The following RAD51B variants were observed in gnomAD, a reference collection of about 807,000 sequenced individuals.
The protein encoded by RAD51B is RAD51 paralog B, also known as DNA repair protein RAD51 homolog 2.
Under a neutral mutation model 42.2 loss-of-function variants are expected in RAD51B, and 38 were observed. The ratio of observed to expected loss-of-function variants is 0.90; its 90% CI spans 0.70 to 1.18. RAD51B has a LOEUF of 1.18. Ranked by LOEUF, RAD51B falls within the 50% of genes most tolerant of loss-of-function variation. The pLI is 0.00. For missense variants in RAD51B, 373 were observed against 400.7 expected, an observed-to-expected ratio of 0.93 and a Z score of 0.59; for synonymous variants, 154 against 145.2, an observed-to-expected ratio of 1.06 and a Z score of -0.43.
intron 7 of RAD51B, among the ~76,000 whole-genome samples, chr14:68,200,637 T>C (rs1025675370): frequency 6.6e-6 from 1 of 151,924 alleles, no homozygotes; most frequent in Non-Finnish European, 1.5e-5. Context: ...TTGAAGGAAG[T>C]TGGTAAAATA....
At chr14:68,562,693 T>C in intron 10 of RAD51B, 1 of 985,356 alleles carries the variant, frequency 1.0e-6, no homozygotes, top group Non-Finnish European at 1.2e-6. Flanking sequence ...AGACCCTGAC[T>C]TGTTAGAGTG....
intron 4 of RAD51B, among the ~76,000 whole-genome samples, chr14:67,852,821 G>A (rs2041871958): frequency 6.6e-6 from 1 of 152,160 alleles, no homozygotes; most frequent in Non-Finnish European, 1.5e-5. Flanking sequence ...TCTGTTCTCA[G>A]AAATGTTGTA....
At chr14:67,874,315 C>T (rs1288498772) in intron 5 of RAD51B, among the ~76,000 whole-genome samples, 1 of 152,138 alleles carries the variant, frequency 6.6e-6, no homozygotes, top group Admixed American at 6.5e-5. Flanking sequence ...ACAATTTTAA[C>T]AGGTTTGTTG....
At chr14:68,410,812 T>C (rs35190649) in intron 8 of RAD51B, among the ~76,000 whole-genome samples, 26,416 of 152,186 alleles carry the variant, frequency 0.17, 3,033 homozygotes, top group Non-Finnish European at 0.26. Flanking sequence ...TAGAGTTTAC[T>C]TCAGACCCTC....
intron 8 of RAD51B, among the ~76,000 whole-genome samples, chr14:68,356,982 CAAAAAAA>C (rs34774624): frequency 3.2e-5 from 3 of 92,312 alleles, no homozygotes; most frequent in African/African-American, 4.1e-5. Flanking sequence ...GACTCCGTCT[CAAAAAAA>C]AAAAAAAAAA....
intron 8 of RAD51B, among the ~76,000 whole-genome samples, chr14:68,359,511 TG>T (rs2082976204): frequency 6.6e-6 from 1 of 151,878 alleles, no homozygotes; most frequent in African/African-American, 2.4e-5. Context: ...AGGTAGTGAG[TG>T]GGAAACGCAA....
intron 7 of RAD51B, among the ~76,000 whole-genome samples, chr14:68,203,525 A>G (rs769748897): frequency 6.6e-6 from 1 of 152,194 alleles, no homozygotes; most frequent in Non-Finnish European, 1.5e-5. Flanking sequence ...GGTTTTCAGA[A>G]TGGTAAATGA....
chr14:68,030,660 CT>C (rs1306174931), intron 7 of RAD51B, among the ~76,000 whole-genome samples: 7 of 152,172 alleles, frequency 4.6e-5, no homozygotes, highest in African/African-American at 1.7e-4. Context: ...GGCTGTTTCA[CT>C]TTGTATTATT....
At chr14:68,180,297 A>G (rs547004915) in intron 7 of RAD51B, among the ~76,000 whole-genome samples, 1 of 152,162 alleles carries the variant, frequency 6.6e-6, no homozygotes, top group Non-Finnish European at 1.5e-5. Flanking sequence ...ATTTTGCCCA[A>G]ACGTGTTTAT....
intron 8 of RAD51B, among the ~76,000 whole-genome samples, chr14:68,368,321 G>A (rs8010233): frequency 0.099 from 14,998 of 152,100 alleles, 835 homozygotes; most frequent in African/African-American, 0.13. Context: ...GCATGCTAAG[G>A]CCCAAGTCCC....
rs938445246 is a variant in RAD51B, at chr14:68,124,721, A to AG, written c.757-167157dup. On this transcript the variant is annotated intron_variant, in intron 7 of 10. Coordinates refer to ENST00000471583, the MANE Select transcript of RAD51B (RefSeq NM_133510.4). ...GTAATCTCAGCACTTTGGGAGGCCAAGGGGGGCGGATCATGAGGTCAGGAG... is the reference window on the plus strand; with the variant it reads ...GTAATCTCAGCACTTTGGGAGGCCAAGGGGGGGCGGATCATGAGGTCAGGAG... Among the ~76,000 whole-genome samples, 10 of 152,264 alleles carry AG rather than the reference A, an allele frequency of 6.6e-5. 1 individual carries two copies. In the South Asian group the frequency reaches 1.0e-3, roughly 16 times the overall value.
In RAD51B at chr14:67,865,018, G is replaced by A; in HGVS notation, c.331G>A (p.Gly111Ser). The A allele has an allele frequency of 1.5e-6, 1 of 668,938 alleles. No homozygotes were observed. Among genetic ancestry groups the A allele is most frequent in the Non-Finnish European group, 2.4e-6 (1 of 423,168 alleles). 41.4% of individuals were successfully genotyped at this position (668,938 alleles called of 1,614,324 possible). Residue 111 changes from glycine to serine, a missense_variant, in exon 5 of 11, where the codon GGT becomes AGT. Physicochemically the swap from Gly to Ser is moderately conservative, Grantham distance 56. Coordinates refer to ENST00000471583, the MANE Select transcript of RAD51B (RefSeq NM_133510.4). ...TTTTTTTTAGATTACAGGTCCACCA[G>A]GTTGTGGAAAAACTCAGTTTTGTAT... The part of the protein sequence containing the change: ...GSLTEITGPP[G>S]CGKTQFCIMM...
exon 11 of RAD51B, chr14:68,594,610 G>A: frequency 1.6e-6 from 2 of 1,287,726 alleles, no homozygotes; most frequent in Non-Finnish European, 2.0e-6. Context: ...TTAATTTTTT[G>A]TAGAGGTGGG....
At chr14:68,627,805 C>T (rs1892123339) in intron 10 of RAD51B, among the ~76,000 whole-genome samples, 1 of 152,200 alleles carries the variant, frequency 6.6e-6, no homozygotes, top group Non-Finnish European at 1.5e-5. Flanking sequence ...TACTAATTTC[C>T]TCTTCTTTCT....
intron 7 of RAD51B, among the ~76,000 whole-genome samples, chr14:68,118,791 GTGTA>G (rs777001092): frequency 1.3e-5 from 2 of 151,956 alleles, no homozygotes; most frequent in Non-Finnish European, 2.9e-5. Flanking sequence ...TTGTGTGCAT[GTGTA>G]TGTGTGTGCA....
exon 11 of RAD51B, chr14:68,595,649 A>G (rs986060446): frequency 9.7e-7 from 1 of 1,025,646 alleles, no homozygotes; most frequent in Non-Finnish European, 1.2e-6. Flanking sequence ...ATACTAGCAA[A>G]AAAATAGACA....
chr14:67,994,627 G>C (rs1401190252), intron 7 of RAD51B, among the ~76,000 whole-genome samples: 1 of 152,166 alleles, frequency 6.6e-6, no homozygotes, highest in African/African-American at 2.4e-5. Context: ...GGTCACCACT[G>C]ATTGATCTTC....
intron 10 of RAD51B, among the ~76,000 whole-genome samples, chr14:68,578,017 G>A (rs1890039800): frequency 6.6e-6 from 1 of 152,232 alleles, no homozygotes; most frequent in South Asian, 2.1e-4. Flanking sequence ...CTGATTCTGT[G>A]GTATGTGCTT....
chr14:68,456,869 A>ATTTTTTTTTTTTTTTTTTTTTTT (rs71129889), intron 9 of RAD51B, among the ~76,000 whole-genome samples: 4 of 66,460 alleles, frequency 6.0e-5, no homozygotes, highest in Admixed American at 2.2e-4. Flanking sequence ...CAATGGAATG[A>ATTTTTTTTTTTTTTTTTTTTTTT]TTTTTTTTTT....
Sources: allele counts gnomAD v4.1 joint callset (sites outside exome capture counted in the v4.1 genomes callset), GRCh38; gene constraint gnomAD v4.1.1; transcripts MANE v1.5; gene names NCBI Gene and HGNC (gene_info 2026-07-23, HGNC 2026-07-21).